Variants in CAMKMT observed in about 807,000 individuals in gnomAD.
The protein encoded by CAMKMT is CaM KMT.
A neutral mutation model predicts 48.0 loss-of-function variants in CAMKMT; 53 were observed. The observed-to-expected ratio is 1.10, with a 90% CI of 0.89 to 1.39. The LOEUF (loss-of-function observed/expected upper bound fraction) is 1.39, where lower values mean the gene tolerates loss of function less well. Ranked by LOEUF, CAMKMT falls within the 40% of genes most tolerant of loss-of-function variation. The pLI, the probability that CAMKMT is intolerant of heterozygous loss-of-function variation, is 0.00. For missense variants in CAMKMT, 428 were observed against 402.7 expected (o/e 1.06, Z -0.54); for synonymous variants, 165 against 152.3 (o/e 1.08, Z -0.61).
intron 7 of CAMKMT, among the ~76,000 whole-genome samples, chr2:44,734,826 C>A (rs564448406): frequency 6.6e-6 from 1 of 152,168 alleles, no homozygotes; most frequent in Non-Finnish European, 1.5e-5. Context: ...ATCTGTTCTG[C>A]TATTGTTGAG....
chr2:44,522,948 A>G (rs2104802371), intron 3 of CAMKMT, among the ~76,000 whole-genome samples: 1 of 151,832 alleles, frequency 6.6e-6, no homozygotes, highest in East Asian at 1.9e-4. Flanking sequence ...CATACTACCA[A>G]ATTTCAAGCT....
At chr2:44,600,376 C>G (rs956166718) in intron 3 of CAMKMT, among the ~76,000 whole-genome samples, 7 of 151,814 alleles carry the variant, frequency 4.6e-5, no homozygotes, top group Non-Finnish European at 1.0e-4. Flanking sequence ...AGGTGATCCT[C>G]CCACCTCAGC....
intron 3 of CAMKMT, among the ~76,000 whole-genome samples, chr2:44,461,271 G>A (rs1220818306): frequency 2.6e-5 from 4 of 152,124 alleles, no homozygotes; most frequent in South Asian, 2.1e-4. Context: ...AAGTCTATAT[G>A]CACGACTTTC....
chr2:44,753,977 C>T (rs761785447), intron 8 of CAMKMT, 78 bp from the exon 9 acceptor site: 37 of 1,000,640 alleles, frequency 3.7e-5, no homozygotes, highest in Non-Finnish European at 5.0e-5. Flanking sequence ...GTGTAATTAG[C>T]CTTGTACTTA....
chr2:44,727,904 C>A (rs1222597209), intron 7 of CAMKMT, among the ~76,000 whole-genome samples: 1 of 152,014 alleles, frequency 6.6e-6, no homozygotes, highest in Non-Finnish European at 1.5e-5. Context: ...ATGTGGTGAA[C>A]CACATTTATT....
chr2:44,372,711 C>T lies in CAMKMT; in HGVS notation c.139-5C>T. 6.2e-7 allele frequency: 1 copy of T among 1,606,916 alleles called. No homozygotes were observed. Among genetic ancestry groups the T allele is most frequent in the Admixed American group, 1.7e-5 (1 of 57,522 alleles). ...ATGACTGCAATATTTGGCTTTATTTCAAAGGTTCTGAAGCAAAAACACCTG... is the reference window on the plus strand; with the variant it reads ...ATGACTGCAATATTTGGCTTTATTTTAAAGGTTCTGAAGCAAAAACACCTG... On this transcript the variant is annotated splice_polypyrimidine_tract_variant and splice_region_variant and intron_variant, in intron 1 of 10. Coordinates refer to ENST00000378494, the MANE Select transcript of CAMKMT (RefSeq NM_024766.5).
chr2:44,732,146 G>T (rs930934315), intron 7 of CAMKMT, among the ~76,000 whole-genome samples: 2 of 152,064 alleles, frequency 1.3e-5, no homozygotes, highest in Non-Finnish European at 2.9e-5. Flanking sequence ...AGAGACAGGG[G>T]TCTCACTATG....
At chr2:44,770,205 G>A (rs1681045009) in intron 10 of CAMKMT, among the ~76,000 whole-genome samples, 2 of 152,214 alleles carry the variant, frequency 1.3e-5, no homozygotes, top group Non-Finnish European at 2.9e-5. Context: ...AGCTTTGTGT[G>A]TGTTCAAGTA....
In CAMKMT at chr2:44,436,870, A is replaced by C. The variant is rs1172221169; in HGVS notation, c.376+46565A>C. 2.0e-5 allele frequency among the ~76,000 whole-genome samples: 3 copies of C among 152,198 alleles called. No homozygotes were observed. The East Asian group carries it at 5.8e-4, about 29-fold the overall frequency. ...GTATTACATCTTAGATTTTCATCAA[A>C]AAAATAAAAATAAGGTTTTGGTGTT... On this transcript the variant is annotated intron_variant, in intron 3 of 10. Coordinates refer to ENST00000378494, the MANE Select transcript of CAMKMT (RefSeq NM_024766.5).
At position 44,772,053 on chromosome 2, in the gene CAMKMT, G is replaced by A. The variant is rs200454460; in HGVS notation, c.912G>A (p.Pro304=). 9.5e-5 allele frequency: 153 copies of A among 1,613,142 alleles called. No homozygotes were observed. The highest frequency in any genetic ancestry group is 1.6e-4 in the Middle Eastern group (1 of 6,082). Residue 304 remains proline (P), a synonymous_variant, in exon 11 of 11, where the codon CCG becomes CCA. Coordinates refer to ENST00000378494, the MANE Select transcript of CAMKMT (RefSeq NM_024766.5). ...GTTTTCAGTTGAAAAAGGAAAACCC[G>A]GACATATATGAAGAAAACCTTCATT... is the stretch of plus-strand genomic sequence containing the variant. ...NFHSKLKKEN[P]DIYEENLHYP...
intron 3 of CAMKMT, among the ~76,000 whole-genome samples, chr2:44,557,723 C>T (rs1434242044): frequency 6.6e-6 from 1 of 152,150 alleles, no homozygotes; most frequent in Non-Finnish European, 1.5e-5. Context: ...TGTCCATTTT[C>T]TTGTTACCGG....
At chr2:44,386,637 T>A (rs552494536) in intron 2 of CAMKMT, among the ~76,000 whole-genome samples, 9 of 152,134 alleles carry the variant, frequency 5.9e-5, no homozygotes, top group Admixed American at 1.3e-4. Flanking sequence ...TCAGTCATTT[T>A]GATGTAGGCA....
At chr2:44,733,578 C>T (rs547140940) in intron 7 of CAMKMT, among the ~76,000 whole-genome samples, 1 of 152,236 alleles carries the variant, frequency 6.6e-6, no homozygotes, top group East Asian at 1.9e-4. Flanking sequence ...ATAGGTTTTT[C>T]ATAGATGACC....
chr2:44,687,388 G>A (rs550205939), intron 3 of CAMKMT, among the ~76,000 whole-genome samples: 9 of 152,168 alleles, frequency 5.9e-5, no homozygotes, highest in South Asian at 2.1e-4. Flanking sequence ...TTAGTATCTC[G>A]CCCAGTGCAA....
intron 3 of CAMKMT, among the ~76,000 whole-genome samples, chr2:44,663,855 A>T (rs965601743): frequency 6.6e-6 from 1 of 152,194 alleles, no homozygotes; most frequent in Non-Finnish European, 1.5e-5. Flanking sequence ...GCAAACCACA[A>T]ATAGTCTTGC....
intron 3 of CAMKMT, among the ~76,000 whole-genome samples, chr2:44,393,764 C>G (rs925763210): frequency 1.3e-5 from 2 of 152,174 alleles, no homozygotes; most frequent in African/African-American, 2.4e-5. Context: ...CAAGGGAGTG[C>G]TCTATAAGCA....
intron 3 of CAMKMT, among the ~76,000 whole-genome samples, chr2:44,436,445 T>C (rs1666259668): frequency 6.6e-6 from 1 of 152,096 alleles, no homozygotes; most frequent in Non-Finnish European, 1.5e-5. Context: ...GACACCAATT[T>C]CCAAGGCATG....
In CAMKMT at chr2:44,743,619, A is replaced by C. The variant is rs754687835; in HGVS notation, c.624-3A>C. 6.2e-7 allele frequency: 1 copy of C among 1,607,716 alleles called. No individual in the cohort carries two copies. The highest frequency in any genetic ancestry group is 8.5e-7 in the Non-Finnish European group (1 of 1,176,982). ...TAATTTTTAAAATCTTTTTCTCCTC[A>C]AGCGTTTTACGATGGGATAATGAGA... On this transcript the variant is annotated splice_polypyrimidine_tract_variant and splice_region_variant and intron_variant, in intron 7 of 10. Coordinates refer to ENST00000378494, the MANE Select transcript of CAMKMT (RefSeq NM_024766.5).
chr2:44,433,611 A>C (rs1345856812), intron 3 of CAMKMT, among the ~76,000 whole-genome samples: 1 of 152,208 alleles, frequency 6.6e-6, no homozygotes, highest in African/African-American at 2.4e-5. Flanking sequence ...ATGCAAAATA[A>C]GTTCTATATG....
Sources: allele counts gnomAD v4.1 joint callset (sites outside exome capture counted in the v4.1 genomes callset), GRCh38; gene constraint gnomAD v4.1.1; transcripts MANE v1.5; gene names NCBI Gene and HGNC (gene_info 2026-07-23, HGNC 2026-07-21).